The following PAX3 variants were observed in gnomAD, a reference collection of about 807,000 sequenced individuals.
PAX3 encodes the protein paired box 3.
PAX3 carries 14 observed loss-of-function variants against 51.6 expected under a neutral mutation model. That is an observed-to-expected ratio of 0.27 (90% CI 0.18 to 0.42). The LOEUF is 0.42. Among genes scored for constraint, PAX3 ranks in the 10% least tolerant of loss-of-function variants. The pLI, the probability that PAX3 is intolerant of heterozygous loss-of-function variation, is 1.00. For synonymous variants in PAX3, 280 were observed against 253.4 expected, an observed-to-expected ratio of 1.11 and a Z score of -1.00; for missense variants, 540 against 642.8, an observed-to-expected ratio of 0.84 and a Z score of 1.73.
intron 4 of PAX3, among the ~76,000 whole-genome samples, chr2:222,254,848 T>A (rs1217852362): frequency 6.6e-6 from 1 of 152,160 alleles, no homozygotes; most frequent in African/African-American, 2.4e-5. Context: ...AGTGGCATGA[T>A]CTCATCTCAC....
At chr2:222,251,492 C>A (rs1574692488) in intron 4 of PAX3, among the ~76,000 whole-genome samples, 1 of 152,186 alleles carries the variant, frequency 6.6e-6, no homozygotes, top group Non-Finnish European at 1.5e-5. Flanking sequence ...GCCACATTTT[C>A]TTAATCCAGT....
intron 4 of PAX3, among the ~76,000 whole-genome samples, chr2:222,247,097 G>T (rs45543536): frequency 6.6e-6 from 1 of 152,292 alleles, no homozygotes; most frequent in Non-Finnish European, 1.5e-5. Context: ...GTTTAAGAAA[G>T]CTTGTCCAGG....
chr2:222,275,623 T>TA (rs1294741673), intron 4 of PAX3, among the ~76,000 whole-genome samples: 1 of 152,098 alleles, frequency 6.6e-6, no homozygotes, highest in African/African-American at 2.4e-5. Flanking sequence ...AATAAAATAG[T>TA]AAAAAAATGG....
chr2:222,217,335 T>C (rs1433438786), intron 7 of PAX3, among the ~76,000 whole-genome samples: 1 of 152,210 alleles, frequency 6.6e-6, no homozygotes, highest in Non-Finnish European at 1.5e-5. Context: ...TAGTCTCTAC[T>C]AAATTATTTT....
chr2:222,201,712 A>G lies in PAX3; in HGVS notation c.1420+232T>C, dbSNP rs1227258051. On this transcript the variant is annotated intron_variant, in intron 8 of 8. Coordinates refer to ENST00000392070, the MANE Select transcript of PAX3 (RefSeq NM_181458.4). ...AACCCTTGTGTTTTACCTAGTGGCA[A>G]TCAGGTTTCACGTCTCAACAATTAA... 7 of 1,458,006 alleles carry G rather than the reference A, an allele frequency of 4.8e-6. No individual in the cohort carries two copies. The East Asian group carries it at 1.5e-4, about 31-fold the overall frequency. The allele number at this position is 1,458,006 out of a possible 1,614,324, so 90.3% of individuals were successfully genotyped here.
chr2:222,201,630 G>C, intron 8 of PAX3, 188 bp from the exon 9 acceptor site: 1 of 1,308,410 alleles, frequency 7.6e-7, no homozygotes, highest in Non-Finnish European at 1.0e-6. Flanking sequence ...TATGATCCTG[G>C]AGCTGACCTC....
At chr2:222,280,080 G>A (rs2106172944) in intron 4 of PAX3, among the ~76,000 whole-genome samples, 1 of 152,082 alleles carries the variant, frequency 6.6e-6, no homozygotes, top group South Asian at 2.1e-4. Flanking sequence ...ACGAGGTGGT[G>A]CGCGCCTGTA....
At chr2:222,204,622 G>C (rs1292997016) in intron 7 of PAX3, among the ~76,000 whole-genome samples, 1 of 152,112 alleles carries the variant, frequency 6.6e-6, no homozygotes, top group African/African-American at 2.4e-5. Context: ...ACTTTAAAAT[G>C]TGATTTTTTT....
At chr2:222,222,089 G>C (rs146961320) in intron 5 of PAX3, among the ~76,000 whole-genome samples, 1 of 151,906 alleles carries the variant, frequency 6.6e-6, no homozygotes, top group East Asian at 1.9e-4. Flanking sequence ...ATGCTAACCA[G>C]GTACATTCAG....
intron 4 of PAX3, among the ~76,000 whole-genome samples, chr2:222,273,024 G>A (rs1053100139): frequency 1.3e-5 from 2 of 152,046 alleles, no homozygotes; most frequent in Non-Finnish European, 2.9e-5. Context: ...GACTTTGAGG[G>A]GTTTTTAAGT....
chr2:222,293,849 T>G lies in PAX3; in HGVS notation c.586+318A>C, dbSNP rs1695140080. On this transcript the variant is annotated intron_variant, in intron 4 of 8. Coordinates refer to ENST00000392070, the MANE Select transcript of PAX3 (RefSeq NM_181458.4). ...GCTCAGAGATGCCCAGTCTCATACA[T>G]TTAATGGCAACAGAGTGAGAGCTTC... The G allele has an allele frequency of 5.0e-6, 8 of 1,612,902 alleles. No individual in the cohort carries two copies. The East Asian group carries it at 1.8e-4, about 36-fold the overall frequency.
Position 222,276,264 on chromosome 2 carries a change from A to G in PAX3, c.586+17903T>C, listed in dbSNP as rs368652665. ...GGAAGCCACAGCTTTGACAAGAGGT[A>G]CAAGAAAGCACGCATCTCCCTGCGT... is the stretch of plus-strand genomic sequence containing the variant. On this transcript the variant is annotated intron_variant, in intron 4 of 8. Coordinates refer to ENST00000392070, the MANE Select transcript of PAX3 (RefSeq NM_181458.4). 5.3e-5 allele frequency among the ~76,000 whole-genome samples: 8 copies of G among 152,348 alleles called. No individual in the cohort carries two copies. In the South Asian group the frequency reaches 1.2e-3, roughly 24 times the overall value.
intron 4 of PAX3, among the ~76,000 whole-genome samples, chr2:222,278,331 T>C (rs564352371): frequency 6.6e-6 from 1 of 152,204 alleles, no homozygotes; most frequent in South Asian, 2.1e-4. Context: ...CAGACATCCT[T>C]TGTGCCCCAG....
intron 4 of PAX3, chr2:222,293,738 T>A: frequency 6.2e-7 from 1 of 1,614,114 alleles, no homozygotes. Flanking sequence ...GCGAGGAAAC[T>A]CCGGAGACCA....
intron 7 of PAX3, among the ~76,000 whole-genome samples, chr2:222,219,623 A>G (rs755173379): frequency 2.8e-4 from 43 of 152,280 alleles, no homozygotes; most frequent in Middle Eastern, 6.8e-3. Flanking sequence ...CGTTTATTCC[A>G]GAGTTCGTAG....
chr2:222,218,467 C>T (rs1231323476), intron 7 of PAX3, among the ~76,000 whole-genome samples: 1 of 152,166 alleles, frequency 6.6e-6, no homozygotes, highest in Non-Finnish European at 1.5e-5. Flanking sequence ...TCTGGGATCT[C>T]ACCTTGCAGA....
rs531844898 is a variant in PAX3 at position 222,253,990 on chromosome 2, T to C, written c.587-21707A>G. The stretch of plus-strand genomic sequence containing the variant: ...TCCAAAATGTTTCTTTAAATTTACA[T>C]TCATTTATTCACCAAATACTTACGC... On this transcript the variant is annotated intron_variant, in intron 4 of 8. Coordinates refer to ENST00000392070, the MANE Select transcript of PAX3 (RefSeq NM_181458.4). 2.0e-5 allele frequency among the ~76,000 whole-genome samples: 3 copies of C among 152,330 alleles called. No individual in the cohort carries two copies. The East Asian group carries it at 5.8e-4, about 29-fold the overall frequency.
At chr2:222,297,314 C>T (rs1191483927) in intron 1 of PAX3, 101 bp from the exon 2 acceptor site, 3 of 859,098 alleles carry the variant, frequency 3.5e-6, no homozygotes, top group Non-Finnish European at 5.8e-6. Context: ...GTCCTATCCT[C>T]ATGTTACAGC....
chr2:222,217,407 C>G lies in PAX3; in HGVS notation c.1173+2733G>C, dbSNP rs185636361. 7.2e-5 allele frequency among the ~76,000 whole-genome samples: 11 copies of G among 152,220 alleles called. No homozygotes were observed. In the East Asian group the frequency reaches 1.9e-3, roughly 27 times the overall value. On this transcript the variant is annotated intron_variant, in intron 7 of 8. Coordinates refer to ENST00000392070, the MANE Select transcript of PAX3 (RefSeq NM_181458.4). ...TGAAACCTGTTTTCTCTTCATTCAA[C>G]TCTGGACTATAATGGACAAGATCCT...
Sources: allele counts gnomAD v4.1 joint callset (sites outside exome capture counted in the v4.1 genomes callset), GRCh38; gene constraint gnomAD v4.1.1; transcripts MANE v1.5; gene names NCBI Gene and HGNC (gene_info 2026-07-23, HGNC 2026-07-21).